ALPL: variants seen among roughly 807,000 people sequenced by gnomAD.
The protein encoded by ALPL is alkaline phosphatase, tissue-nonspecific isozyme.
A neutral mutation model predicts 51.3 loss-of-function variants in ALPL; 42 were observed. The observed-to-expected ratio is 0.82, with a 90% CI of 0.64 to 1.06. ALPL has a LOEUF of 1.06. Among genes scored for constraint, ALPL ranks in the 50% least tolerant of loss-of-function variants. ALPL has a pLI of 0.00. For synonymous variants in ALPL, 279 were observed against 296.4 expected (o/e 0.94, Z 0.60); for missense variants, 589 against 709.4 (o/e 0.83, Z 1.93).
intron 1 of ALPL, among the ~76,000 whole-genome samples, chr1:21,524,604 G>T (rs2148073112): frequency 6.6e-6 from 1 of 152,274 alleles, no homozygotes; most frequent in South Asian, 2.1e-4. Flanking sequence ...TTGGAACCCG[G>T]GCAGCCTTGC....
intron 9 of ALPL, among the ~76,000 whole-genome samples, chr1:21,575,252 C>G (rs1291347372): frequency 6.6e-6 from 1 of 152,142 alleles, no homozygotes; most frequent in East Asian, 1.9e-4. Flanking sequence ...TGGGCTTCCC[C>G]ACACTAGGCC....
intron 1 of ALPL, among the ~76,000 whole-genome samples, chr1:21,527,221 G>A (rs1429966750): frequency 1.3e-5 from 2 of 151,876 alleles, no homozygotes; most frequent in African/African-American, 2.4e-5. Flanking sequence ...TAGTAGAGAC[G>A]GGGTTTCTCC....
intron 1 of ALPL, among the ~76,000 whole-genome samples, chr1:21,536,959 CG>C (rs1428299830): frequency 2.6e-4 from 36 of 136,404 alleles, no homozygotes; most frequent in African/African-American, 1.0e-3. Context: ...TGCAGTGGCG[CG>C]ATCTTGGCTC....
At chr1:21,543,305 T>C (rs1476260810) in intron 1 of ALPL, among the ~76,000 whole-genome samples, 2 of 152,052 alleles carry the variant, frequency 1.3e-5, no homozygotes, top group Admixed American at 6.6e-5. Flanking sequence ...ACCCTTTTTT[T>C]CCCCAACACT....
At chr1:21,523,999 C>CTTTTTTTT (rs10571494) in intron 1 of ALPL, among the ~76,000 whole-genome samples, 1 of 94,548 alleles carries the variant, frequency 1.1e-5, no homozygotes, top group Non-Finnish European at 2.0e-5. Context: ...CAAATCTCTG[C>CTTTTTTTT]TTTTTTTTTT....
chr1:21,520,411 G>A (rs1010926306), intron 1 of ALPL, among the ~76,000 whole-genome samples: 8 of 151,770 alleles, frequency 5.3e-5, no homozygotes, highest in South Asian at 2.1e-4. Context: ...ATTAACAGGC[G>A]GTGAGCCACC....
rs1276226355 is a variant in ALPL, at chr1:21,571,953, A to G, written c.862+1579A>G. Among the ~76,000 whole-genome samples the G allele has an allele frequency of 4.6e-5, 7 of 152,134 alleles. No homozygotes were observed. In the East Asian group the frequency reaches 7.7e-4, roughly 17 times the overall value. ...GGCTGCAGTGAGTTGTGATTATGCC[A>G]CTGCACTCCAGCCTGGGTGACAGAG... is the stretch of plus-strand genomic sequence containing the variant. On this transcript the variant is annotated intron_variant, in intron 8 of 11. Transcript: ENST00000374840.
chr1:21,554,839 T>C (rs1301624929), intron 2 of ALPL, among the ~76,000 whole-genome samples: 1 of 135,892 alleles, frequency 7.4e-6, no homozygotes, highest in Non-Finnish European at 1.6e-5. Context: ...CTTTCTTTCT[T>C]TCTTTCTTTC....
intron 7 of ALPL, among the ~76,000 whole-genome samples, chr1:21,568,974 G>C (rs3767149): frequency 0.18 from 27,872 of 152,102 alleles, 3,139 homozygotes; most frequent in East Asian, 0.45. Flanking sequence ...ACTGTGGTCA[G>C]GGCTGAAGAC....
At chr1:21,538,455 G>A (rs1447409856) in intron 1 of ALPL, among the ~76,000 whole-genome samples, 1 of 152,196 alleles carries the variant, frequency 6.6e-6, no homozygotes, top group Non-Finnish European at 1.5e-5. Flanking sequence ...GAACACCCGC[G>A]TCCTTCCTCC....
chr1:21,558,639 G>T lies in ALPL; in HGVS notation c.62-1987G>T, dbSNP rs536644920. ...CAATTCCCAGTGGGGACTGCGTGGGGACATCTGAAATTGATGCCCTCAGCA... is the reference window on the plus strand; with the variant it reads ...CAATTCCCAGTGGGGACTGCGTGGGTACATCTGAAATTGATGCCCTCAGCA... On this transcript the variant is annotated intron_variant, in intron 2 of 11. Coordinates refer to ENST00000374840, the MANE Select transcript of ALPL (RefSeq NM_000478.6). Among the ~76,000 whole-genome samples, 5 of 152,334 alleles carry T rather than the reference G, an allele frequency of 3.3e-5. No individual in the cohort carries two copies. In the East Asian group the frequency reaches 9.7e-4, roughly 29 times the overall value.
In ALPL at chr1:21,577,739, T is replaced by G. The variant is rs1644762727; in HGVS notation, c.*91T>G. On this transcript the variant is annotated 3_prime_UTR_variant, in exon 12 of 12. Transcript: ENST00000374840. ...CTCAAGGGGCAGGGAGGTGGGGGCC[T>G]CCTCAGCCTCTGCAACTGCAAGAAA... The G allele has an allele frequency of 2.0e-6, 3 of 1,478,352 alleles. No individual in the cohort carries two copies. In the South Asian group the frequency reaches 3.7e-5, roughly 18 times the overall value. 91.6% of individuals were successfully genotyped at this position (1,478,352 alleles called of 1,614,324 possible).
At chr1:21,547,575 C>A (rs1024184730) in intron 1 of ALPL, among the ~76,000 whole-genome samples, 8 of 152,226 alleles carry the variant, frequency 5.3e-5, no homozygotes, top group Admixed American at 2.6e-4. Context: ...AATTCCCTGC[C>A]CTAAGCTCGT....
At chr1:21,530,317 C>T (rs1174160309) in intron 1 of ALPL, among the ~76,000 whole-genome samples, 3 of 152,126 alleles carry the variant, frequency 2.0e-5, no homozygotes, top group South Asian at 2.1e-4. Flanking sequence ...ATGATTCCAG[C>T]GGTATCTCTA....
chr1:21,560,800 C>T (rs1360001951), intron 3 of ALPL, 55 bp downstream of exon 3: 49 of 1,608,890 alleles, frequency 3.0e-5, no homozygotes, highest in South Asian at 1.8e-4. Flanking sequence ...CTAGGAGCCC[C>T]GGGAGCCAGG....
chr1:21,575,846 A>C lies in ALPL; in HGVS notation c.1111A>C (p.Thr371Pro), dbSNP rs1274060165. The change falls in exon 10 of 12, where the codon ACT (threonine) becomes CCT (proline). Residue 371 changes from threonine (T) to proline (P), a missense_variant. Transcript: ENST00000374840. The stretch of plus-strand genomic sequence containing the variant: ...AGGCAGCTTGACCTCCTCGGAAGAC[A>C]CTCTGACCGTGGTCACTGCGGACCA... ...QAGSLTSSED[T>P]LTVVTADHSH... The C allele has an allele frequency of 6.2e-7, 1 of 1,614,060 alleles. No individual in the cohort carries two copies. The highest frequency in any genetic ancestry group is 8.5e-7 in the Non-Finnish European group (1 of 1,180,008).
At chr1:21,554,681 G>A (rs1332347437) in intron 2 of ALPL, among the ~76,000 whole-genome samples, 3 of 150,936 alleles carry the variant, frequency 2.0e-5, no homozygotes, top group Admixed American at 2.0e-4. Context: ...TAGTAGAGAT[G>A]GGGTTTCACC....
chr1:21,518,757 A>G (rs559252919), intron 1 of ALPL, among the ~76,000 whole-genome samples: 23 of 152,272 alleles, frequency 1.5e-4, no homozygotes, highest in Non-Finnish European at 2.6e-4. Context: ...TAGGCCACTG[A>G]AGTCCCCCGT....
chr1:21,561,539 A>G (rs887348646), intron 4 of ALPL, among the ~76,000 whole-genome samples: 2 of 152,050 alleles, frequency 1.3e-5, no homozygotes, highest in Admixed American at 1.3e-4. Context: ...ACAGGTGTGT[A>G]CCACCACATA....
Sources: gnomAD v4.1 joint callset for allele counts (sites outside exome capture counted in the v4.1 genomes callset) on GRCh38, gnomAD v4.1.1 for gene constraint, MANE v1.5 for transcripts, NCBI Gene and HGNC (gene_info 2026-07-23, HGNC 2026-07-21) for gene names.